The following LDHB variants were observed in gnomAD, a reference collection of about 807,000 sequenced individuals.
LDHB encodes lactate dehydrogenase B.
In LDHB, 18 loss-of-function variants were observed where a neutral mutation model predicts 33.4. That is an observed-to-expected ratio of 0.54 (90% CI 0.37 to 0.80). The LOEUF (loss-of-function observed/expected upper bound fraction) is 0.80. Among genes scored for constraint, LDHB ranks in the 30% least tolerant of loss-of-function variants. The pLI, the probability that LDHB is intolerant of heterozygous loss-of-function variation, is 0.00. For missense variants in LDHB, 345 were observed against 407.9 expected, an observed-to-expected ratio of 0.85 and a Z score of 1.33; for synonymous variants, 121 against 140.6, an observed-to-expected ratio of 0.86 and a Z score of 0.98.
chr12:21,638,045 A>G (rs1192482060), intron 6 of LDHB, among the ~76,000 whole-genome samples: 1 of 152,052 alleles, frequency 6.6e-6, no homozygotes, highest in Non-Finnish European at 1.5e-5. Context: ...TTCTAAGTTT[A>G]CTTTTCTAAA....
In LDHB at chr12:21,639,602, A is replaced by G. The variant is rs147184524; in HGVS notation, c.596-1132T>C. On this transcript the variant is annotated intron_variant, in intron 5 of 7. Transcript: ENST00000350669. Reference sequence around the variant, plus strand: ...ACTGAACTTTTACTGTACACCTGACATTGTACTAAGTACTTTTTACATAGT... The same window carrying G: ...ACTGAACTTTTACTGTACACCTGACGTTGTACTAAGTACTTTTTACATAGT... Among the ~76,000 whole-genome samples the G allele has an allele frequency of 7.7e-3, 1,165 of 152,178 alleles. 9 individuals carry two copies. Among genetic ancestry groups the G allele is most frequent in the African/African-American group, 0.023 (968 of 41,564 alleles).
At chr12:21,640,615 G>A (rs1393109214) in intron 5 of LDHB, among the ~76,000 whole-genome samples, 6 of 152,012 alleles carry the variant, frequency 3.9e-5, no homozygotes, top group Non-Finnish European at 8.8e-5. Context: ...CAAATACAAT[G>A]GATGTAATAG....
chr12:21,651,467 G>A (rs370018538), intron 2 of LDHB, among the ~76,000 whole-genome samples: 7 of 152,186 alleles, frequency 4.6e-5, no homozygotes, highest in African/African-American at 1.2e-4. Context: ...TGGGCTTCGC[G>A]AATCTGGCTA....
chr12:21,639,437 A>G lies in LDHB; in HGVS notation c.596-967T>C, dbSNP rs116716935. ...ATAGCTACTTCACCTACTTTGCCTT[A>G]TTTTTTTTCTCACTAAAATTAAAGT... On this transcript the variant is annotated intron_variant, in intron 5 of 7. Transcript: ENST00000350669. 7.7e-3 allele frequency among the ~76,000 whole-genome samples: 1,164 copies of G among 151,740 alleles called. 8 individuals are homozygous for G. Among genetic ancestry groups the G allele is most frequent in the African/African-American group, 0.023 (966 of 41,430 alleles).
intron 2 of LDHB, among the ~76,000 whole-genome samples, chr12:21,649,287 C>T (rs1677106): frequency 0.95 from 143,886 of 152,234 alleles, 68,503 homozygotes; most frequent in East Asian, 1. Flanking sequence ...AGTGCATATT[C>T]GGCTGAAAAG....
chr12:21,640,489 T>C (rs1229725731), intron 5 of LDHB, among the ~76,000 whole-genome samples: 1 of 152,014 alleles, frequency 6.6e-6, no homozygotes, highest in East Asian at 1.9e-4. Flanking sequence ...TTGATAGTTA[T>C]AATTAATAGT....
Position 21,654,660 on chromosome 12 carries a change from A to C in LDHB, c.12T>G (p.Leu4=). 1 of 1,613,788 alleles carries C rather than the reference A, an allele frequency of 6.2e-7. No individual in the cohort carries two copies. The highest frequency in any genetic ancestry group is 8.5e-7 in the Non-Finnish European group (1 of 1,179,652). The change falls in exon 2 of 8, where the codon CTT becomes CTG. Residue 4 remains leucine (L), a synonymous_variant. Transcript: ENST00000350669. The part of the protein sequence containing the change: MAT[L]KEKLIAPVAE... ...CAACTGGTGCAATGAGTTTTTCCTT[A>C]AGAGTTGCCATTTTGCACTGCAAGG...
intron 1 of LDHB, among the ~76,000 whole-genome samples, chr12:21,655,250 GGTT>G (rs1286439815): frequency 6.6e-6 from 1 of 152,180 alleles, no homozygotes; most frequent in Non-Finnish European, 1.5e-5. Context: ...GTATTTAGTA[GGTT>G]GTTAATATTT....
chr12:21,642,448 G>C (rs1316239507), intron 4 of LDHB, among the ~76,000 whole-genome samples: 1 of 151,886 alleles, frequency 6.6e-6, no homozygotes, highest in Non-Finnish European at 1.5e-5. Flanking sequence ...AAACAAAACA[G>C]GTTGAACCAG....
At chr12:21,639,189 A>G (rs1015598909) in intron 5 of LDHB, among the ~76,000 whole-genome samples, 1 of 151,994 alleles carries the variant, frequency 6.6e-6, no homozygotes, top group Admixed American at 6.6e-5. Context: ...GGGTAATTGG[A>G]TATTTTTACA....
chr12:21,637,033 C>A, intron 7 of LDHB, 38 bp downstream of exon 7: 1 of 1,504,986 alleles, frequency 6.6e-7, no homozygotes, highest in Non-Finnish European at 9.2e-7. Context: ...GAATACAATG[C>A]GAGAAATCAT....
chr12:21,635,948 A>G (rs1938204114), intron 7 of LDHB, among the ~76,000 whole-genome samples: 1 of 152,144 alleles, frequency 6.6e-6, no homozygotes, highest in Non-Finnish European at 1.5e-5. Flanking sequence ...AAAACTTGAT[A>G]GGCCTGAACT....
chr12:21,642,544 T>G (rs1025813486), intron 4 of LDHB, among the ~76,000 whole-genome samples: 1 of 152,160 alleles, frequency 6.6e-6, no homozygotes. Context: ...ATTACTAAAC[T>G]ACCAAATCTT....
At chr12:21,650,105 T>TACACACACACAC (rs765877721) in intron 2 of LDHB, among the ~76,000 whole-genome samples, 7 of 30,974 alleles carry the variant, frequency 2.3e-4, no homozygotes, top group African/African-American at 4.7e-4. Context: ...AGAAAAAAAA[T>TACACACACACAC]ACACACACAC....
chr12:21,647,019 G>A lies in LDHB; in HGVS notation c.130-3C>T. The A allele has an allele frequency of 6.3e-7, 1 of 1,591,466 alleles. No individual in the cohort carries two copies. Among genetic ancestry groups the A allele is most frequent in the Non-Finnish European group, 8.6e-7 (1 of 1,165,738 alleles). On this transcript the variant is annotated splice_polypyrimidine_tract_variant and splice_region_variant and intron_variant, in intron 2 of 7. Transcript: ENST00000350669. The stretch of plus-strand genomic sequence containing the variant: ...AGAGCAAGTTCATCAGCCAGAGACT[G>A]TAAACGCAAAAACAGGCATTAGAAC...
intron 2 of LDHB, among the ~76,000 whole-genome samples, chr12:21,648,640 A>G (rs1200286408): frequency 6.6e-6 from 1 of 152,150 alleles, no homozygotes; most frequent in African/African-American, 2.4e-5. Flanking sequence ...CACCAGACGG[A>G]GATGCAGCAA....
chr12:21,635,559 C>A lies in LDHB; in HGVS notation c.988G>T (p.Asp330Tyr), dbSNP rs1190643166. The A allele has an allele frequency of 1.2e-6, 2 of 1,611,992 alleles. No individual in the cohort carries two copies. Among genetic ancestry groups the A allele is most frequent in the Non-Finnish European group, 8.5e-7 (1 of 1,179,808 alleles). The change falls in exon 8 of 8, where the codon GAC becomes TAC. Residue 330 changes from aspartate to tyrosine, a missense_variant. Transcript: ENST00000350669. The stretch of plus-strand genomic sequence containing the variant: ...CTCACTAGTCACAGGTCTTTTAGGT[C>A]CTTCTGGATGTCCCACAGGGTATCT... The part of the protein sequence containing the change: ...SADTLWDIQK[D>Y]LKDL
chr12:21,635,531 G>A lies in LDHB; in HGVS notation c.*11C>T, dbSNP rs3203471. 3 of 1,607,436 alleles carry A rather than the reference G, an allele frequency of 1.9e-6. No homozygotes were observed. Among genetic ancestry groups the A allele is most frequent in the Admixed American group, 1.7e-5 (1 of 59,996 alleles). On this transcript the variant is annotated 3_prime_UTR_variant, in exon 8 of 8. Coordinates refer to ENST00000350669, the MANE Select transcript of LDHB (RefSeq NM_002300.8). The stretch of plus-strand genomic sequence containing the variant: ...GTAGTTTTTAAATTTCTACAGCCTA[G>A]AGCTCACTAGTCACAGGTCTTTTAG...
At chr12:21,650,151 C>CACACATATAT (rs142403823) in intron 2 of LDHB, among the ~76,000 whole-genome samples, 528 of 32,740 alleles carry the variant, frequency 0.016, 6 homozygotes, top group African/African-American at 0.043. Flanking sequence ...CACACACACA[C>CACACATATAT]GTCTCTCTCT....
Sources: gnomAD v4.1 joint callset for allele counts (sites outside exome capture counted in the v4.1 genomes callset) on GRCh38, gnomAD v4.1.1 for gene constraint, MANE v1.5 for transcripts, NCBI Gene and HGNC (gene_info 2026-07-23, HGNC 2026-07-21) for gene names.